ZNF282: variants seen among roughly 807,000 people sequenced by gnomAD.
The protein encoded by ZNF282 is HTLV-I U5 repressive element-binding protein 1.
ZNF282 carries 30 observed loss-of-function variants against 61.9 expected under a neutral mutation model. The observed-to-expected ratio is 0.48, with a 90% CI of 0.36 to 0.66. The LOEUF (loss-of-function observed/expected upper bound fraction) is 0.66, where lower values mean the gene tolerates loss of function less well. Among genes scored for constraint, ZNF282 ranks in the 30% least tolerant of loss-of-function variants. The pLI is 0.00. For synonymous variants in ZNF282, 396 were observed against 405.0 expected, an observed-to-expected ratio of 0.98 and a Z score of 0.27; for missense variants, 788 against 941.4, an observed-to-expected ratio of 0.84 and a Z score of 2.13.
intron 2 of ZNF282, among the ~76,000 whole-genome samples, chr7:149,204,027 T>A (rs1795954969): frequency 6.6e-6 from 1 of 152,144 alleles, no homozygotes; most frequent in Non-Finnish European, 1.5e-5. Flanking sequence ...CAGAGTCCCA[T>A]GAGGTTACAG....
chr7:149,199,550 C>T (rs978434227), intron 2 of ZNF282, among the ~76,000 whole-genome samples: 6 of 152,178 alleles, frequency 3.9e-5, no homozygotes, highest in Admixed American at 2.0e-4. Flanking sequence ...CCTGCATCTA[C>T]CTGCATTGGT....
At chr7:149,196,398 C>T (rs2087216353) in intron 1 of ZNF282, among the ~76,000 whole-genome samples, 1 of 152,182 alleles carries the variant, frequency 6.6e-6, no homozygotes, top group Non-Finnish European at 1.5e-5. Flanking sequence ...AGCTCAGGGT[C>T]TCTGACGGGT....
chr7:149,224,307 C>G lies in ZNF282; in HGVS notation c.1676C>G (p.Ser559Trp), dbSNP rs1306726085. ...AECEKSFNCH[S>W]GLIRHQMTHR... ...TGCGAGAAGAGCTTCAACTGCCACT[C>G]GGGCCTCATCCGCCACCAGATGACG... The change falls in exon 8 of 8, where the codon TCG (serine) becomes TGG (tryptophan). Residue 559 changes from serine to tryptophan, a missense_variant. Ser to Trp is a radical substitution (Grantham distance 177). This residue lies in a region of ZNF282 where 559 missense variants were observed against 642.0 expected (regional missense o/e 0.87). Transcript: ENST00000610704. 1.2e-6 allele frequency: 2 copies of G among 1,613,038 alleles called. No individual in the cohort carries two copies. Among genetic ancestry groups the G allele is most frequent in the Non-Finnish European group, 8.5e-7 (1 of 1,179,812 alleles).
chr7:149,207,342 C>T lies in ZNF282; in HGVS notation c.713-9C>T, dbSNP rs763024581. 1 of 1,586,532 alleles carries T rather than the reference C, an allele frequency of 6.3e-7. No homozygotes were observed. The highest frequency in any genetic ancestry group is 8.6e-7 in the Non-Finnish European group (1 of 1,164,516). ...ACTCAGCCTTTCCCTCCCTCCTCCT[C>T]ACTTCCAGACGCGGAGGGCTCAGTC... is the stretch of plus-strand genomic sequence containing the variant. On this transcript the variant is annotated splice_polypyrimidine_tract_variant and intron_variant, in intron 3 of 7. Transcript: ENST00000610704.
In ZNF282 at chr7:149,203,202, A is replaced by G. The variant is rs182748459; in HGVS notation, c.586-3494A>G. Among the ~76,000 whole-genome samples the G allele has an allele frequency of 2.6e-5, 4 of 152,292 alleles. No individual in the cohort carries two copies. In the East Asian group the frequency reaches 7.7e-4, roughly 29 times the overall value. ...TTGTCTGTTCTGTGTGTCTCAGCGCATATCCTTGTGTGGCACTGTGGCGTG... is the reference window on the plus strand; with the variant it reads ...TTGTCTGTTCTGTGTGTCTCAGCGCGTATCCTTGTGTGGCACTGTGGCGTG... On this transcript the variant is annotated intron_variant, in intron 2 of 7. Coordinates refer to ENST00000610704, the MANE Select transcript of ZNF282 (RefSeq NM_003575.4).
At chr7:149,212,516 T>TC (rs1796104152) in intron 6 of ZNF282, 45 bp downstream of exon 6, 1 of 1,342,124 alleles carries the variant, frequency 7.5e-7, no homozygotes, top group Non-Finnish European at 1.0e-6. Context: ...CAAGTGTTTT[T>TC]CAAAAGGAAT....
chr7:149,210,291 A>G (rs1563177992), intron 4 of ZNF282, among the ~76,000 whole-genome samples: 1 of 152,020 alleles, frequency 6.6e-6, no homozygotes, highest in Non-Finnish European at 1.5e-5. Context: ...TTCTCTCTTC[A>G]GTGTCATCAC....
chr7:149,222,925 C>A (rs183859411), intron 7 of ZNF282, among the ~76,000 whole-genome samples: 1 of 152,208 alleles, frequency 6.6e-6, no homozygotes, highest in Non-Finnish European at 1.5e-5. Flanking sequence ...GGATTACAGG[C>A]GTGAGCCACT....
chr7:149,207,541 C>A, intron 4 of ZNF282, 71 bp downstream of exon 4: 1 of 1,536,026 alleles, frequency 6.5e-7, no homozygotes, highest in Non-Finnish European at 8.8e-7. Context: ...CCGCACACTG[C>A]TGCCGCGAGG....
rs904538606 is a variant in ZNF282, at chr7:149,198,237, A to C, written c.166-96A>C. On this transcript the variant is annotated intron_variant, in intron 1 of 7. Coordinates refer to ENST00000610704, the MANE Select transcript of ZNF282 (RefSeq NM_003575.4). The surrounding 1 kb of genome is among the most constrained non-coding windows in gnomAD (Gnocchi z 4.3). Reference sequence around the variant, plus strand: ...GGGGGCCTGGCAGAAGAAAGACGACATGTAGCATCTGATTAGTTGACCCCT... The same window carrying C: ...GGGGGCCTGGCAGAAGAAAGACGACCTGTAGCATCTGATTAGTTGACCCCT... 47 of 1,412,628 alleles carry C rather than the reference A, an allele frequency of 3.3e-5. No homozygotes were observed. Among genetic ancestry groups the C allele is most frequent in the Non-Finnish European group, 4.3e-5 (45 of 1,041,442 alleles). 87.5% of individuals were successfully genotyped at this position (1,412,628 alleles called of 1,614,324 possible).
chr7:149,215,904 C>T (rs1796155443), intron 7 of ZNF282, among the ~76,000 whole-genome samples: 1 of 152,154 alleles, frequency 6.6e-6, no homozygotes, highest in Non-Finnish European at 1.5e-5. Context: ...TTCCTTATCC[C>T]TCAATGCTGT....
chr7:149,213,884 G>T (rs1248681121), intron 7 of ZNF282, 70 bp downstream of exon 7: 8 of 1,138,182 alleles, frequency 7.0e-6, no homozygotes, highest in Non-Finnish European at 9.0e-6. Context: ...GTGGACGAAG[G>T]CTGGTCCTCT....
intron 2 of ZNF282, among the ~76,000 whole-genome samples, chr7:149,202,651 A>G (rs1795929814): frequency 6.6e-6 from 1 of 151,744 alleles, no homozygotes; most frequent in South Asian, 2.1e-4. Flanking sequence ...GGGTTTCACC[A>G]TGTTGTCCAG....
intron 2 of ZNF282, among the ~76,000 whole-genome samples, chr7:149,204,209 G>A (rs1039500894): frequency 3.9e-5 from 6 of 152,124 alleles, no homozygotes; most frequent in East Asian, 1.9e-4. Flanking sequence ...ACATAATTAC[G>A]GGAACCAAGC....
intron 4 of ZNF282, among the ~76,000 whole-genome samples, chr7:149,209,689 G>A (rs1459405630): frequency 6.6e-6 from 1 of 152,162 alleles, no homozygotes; most frequent in Non-Finnish European, 1.5e-5. Context: ...TTGGTGCGGA[G>A]TTGAAGGCAG....
At chr7:149,214,804 G>C (rs1796137574) in intron 7 of ZNF282, among the ~76,000 whole-genome samples, 1 of 152,170 alleles carries the variant, frequency 6.6e-6, no homozygotes, top group African/African-American at 2.4e-5. Flanking sequence ...CTGCACTCCA[G>C]CCTGGGCGAG....
chr7:149,221,251 G>A (rs918181336), intron 7 of ZNF282, among the ~76,000 whole-genome samples: 1 of 152,234 alleles, frequency 6.6e-6, no homozygotes, highest in Non-Finnish European at 1.5e-5. Flanking sequence ...CCTGAGTGCA[G>A]TCACAGGACT....
chr7:149,223,921 G>A lies in ZNF282; in HGVS notation c.1290G>A (p.Leu430=), dbSNP rs774128320. The part of the protein sequence containing the change: ...QLQSQPQPQS[L]PPIAVAENPG... Reference sequence around the variant, plus strand: ...AGTCGCAGCCCCAGCCCCAGAGCCTGCCCCCCATCGCGGTGGCCGAGAACC... The same window carrying A: ...AGTCGCAGCCCCAGCCCCAGAGCCTACCCCCCATCGCGGTGGCCGAGAACC... The change falls in exon 8 of 8, where the codon CTG becomes CTA. Residue 430 remains leucine, a synonymous_variant. Transcript: ENST00000610704. 44 of 1,341,718 alleles carry A rather than the reference G, an allele frequency of 3.3e-5. No individual in the cohort carries two copies. The highest frequency in any genetic ancestry group is 3.9e-5 in the Non-Finnish European group (41 of 1,049,544). 83.1% of individuals were successfully genotyped at this position (1,341,718 alleles called of 1,614,324 possible).
chr7:149,216,903 G>A (rs1392963027), intron 7 of ZNF282, among the ~76,000 whole-genome samples: 1 of 152,162 alleles, frequency 6.6e-6, no homozygotes, highest in South Asian at 2.1e-4. Context: ...ACTGAGTCTC[G>A]CTCTCAGCAT....
Sources: allele counts gnomAD v4.1 joint callset (sites outside exome capture counted in the v4.1 genomes callset), GRCh38; gene constraint gnomAD v4.1.1; regional missense constraint gnomAD v4.1.1; non-coding constraint Gnocchi (gnomAD v3.1); transcripts MANE v1.5; gene names NCBI Gene and HGNC (gene_info 2026-07-23, HGNC 2026-07-21).